Variants in MS4A15 observed in about 807,000 individuals in gnomAD.
MS4A15 encodes membrane-spanning 4-domains subfamily A member 15.
In MS4A15, 22 loss-of-function variants were observed where a neutral mutation model predicts 20.6. The observed-to-expected ratio is 1.07, with a 90% confidence interval of 0.76 to 1.52. The LOEUF is 1.52. Among genes scored for constraint, MS4A15 ranks in the 40% most tolerant of loss-of-function variants. The pLI is 0.00. For synonymous variants in MS4A15, 129 were observed against 129.3 expected (o/e 1.00, Z 0.02); for missense variants, 312 against 323.0 (o/e 0.97, Z 0.26).
At chr11:60,767,478 G>A in intron 2 of MS4A15, 55 bp from the exon 3 acceptor site, 2 of 1,418,864 alleles carry the variant, frequency 1.4e-6, no homozygotes, top group South Asian at 1.5e-5. Flanking sequence ...CGCGGGGCCG[G>A]CAGGGGGCGG....
chr11:60,765,723 T>C lies in MS4A15; in HGVS notation c.225+1765T>C, dbSNP rs544526539. Among the ~76,000 whole-genome samples, 34 of 152,280 alleles carry C rather than the reference T, an allele frequency of 2.2e-4. 1 individual carries two copies. The South Asian group carries it at 6.4e-3, about 29-fold the overall frequency. Reference sequence around the variant, plus strand: ...CTCTGGCTCAATCATGCTGGAATTCTATCCTAATAGCTGCACCACATCCAT... The same window carrying C: ...CTCTGGCTCAATCATGCTGGAATTCCATCCTAATAGCTGCACCACATCCAT... On this transcript the variant is annotated intron_variant, in intron 2 of 6. Transcript: ENST00000405633.
chr11:60,759,262 A>G lies in MS4A15; in HGVS notation c.-29+2204A>G, dbSNP rs1226670284. On this transcript the variant is annotated intron_variant, in intron 1 of 6. Coordinates refer to ENST00000405633, the MANE Select transcript of MS4A15 (RefSeq NM_001098835.2). ...GCCCCAACCCTGTGCTCACAGAAAC[A>G]TGTGCTGTACTGAATCAAGGTTTAA... is the stretch of plus-strand genomic sequence containing the variant. Among the ~76,000 whole-genome samples, 3 of 152,256 alleles carry G rather than the reference A, an allele frequency of 2.0e-5. No individual in the cohort carries two copies. The East Asian group carries it at 5.8e-4, about 29-fold the overall frequency.
chr11:60,759,451 T>C (rs1296031498), intron 1 of MS4A15, among the ~76,000 whole-genome samples: 1 of 152,168 alleles, frequency 6.6e-6, no homozygotes, highest in East Asian at 1.9e-4. Context: ...TTGTCCAAGG[T>C]TTCCCCCGAC....
At chr11:60,757,602 C>G (rs546586805) in intron 1 of MS4A15, among the ~76,000 whole-genome samples, 1 of 152,236 alleles carries the variant, frequency 6.6e-6, no homozygotes, top group South Asian at 2.1e-4. Flanking sequence ...GAGCCTTTTC[C>G]TCCCCCTATA....
At chr11:60,771,376 G>A (rs770777229) in intron 4 of MS4A15, 29 bp downstream of exon 4, 64 of 1,613,494 alleles carry the variant, frequency 4.0e-5, no homozygotes, top group East Asian at 8.9e-5. Context: ...ACCCAGGGGC[G>A]GGGATGAAGC....
chr11:60,771,032 G>T (rs1218581251), intron 3 of MS4A15, among the ~76,000 whole-genome samples: 1 of 152,194 alleles, frequency 6.6e-6, no homozygotes, highest in Non-Finnish European at 1.5e-5. Context: ...TTTGATGAGT[G>T]AATGTTTGAA....
rs202097032 is a variant in MS4A15, at chr11:60,759,696, G to A, written c.-29+2638G>A. Among the ~76,000 whole-genome samples the A allele has an allele frequency of 1.5e-4, 23 of 152,326 alleles. No individual in the cohort carries two copies. The East Asian group carries it at 2.9e-3, about 19-fold the overall frequency. ...AGAAAACTGCCCTGTGGCTGGAGGC[G>A]AGATATGCTGGCAGCAATACTGCTC... On this transcript the variant is annotated intron_variant, in intron 1 of 6. Transcript: ENST00000405633.
At chr11:60,767,058 A>C (rs1209708815) in intron 2 of MS4A15, among the ~76,000 whole-genome samples, 3 of 152,166 alleles carry the variant, frequency 2.0e-5, no homozygotes, top group Non-Finnish European at 4.4e-5. Context: ...AAAGAGAAAA[A>C]ATCCCACTGG....
In MS4A15 at chr11:60,774,015, T is replaced by G. The variant is rs1352530677; in HGVS notation, c.612+65T>G. The G allele has an allele frequency of 3.8e-6, 5 of 1,321,576 alleles. No homozygotes were observed. The Admixed American group carries it at 8.5e-5, about 23-fold the overall frequency. 81.9% of individuals were successfully genotyped at this position (1,321,576 alleles called of 1,614,324 possible). On this transcript the variant is annotated intron_variant, in intron 6 of 6. Coordinates refer to ENST00000405633, the MANE Select transcript of MS4A15 (RefSeq NM_001098835.2). ...GAGCTGAGCCTGTGTGGAAGGCAGTTGGCTGGGAGCGCGCTCTGCCTCCAG... is the reference window on the plus strand; with the variant it reads ...GAGCTGAGCCTGTGTGGAAGGCAGTGGGCTGGGAGCGCGCTCTGCCTCCAG...
chr11:60,775,582 G>A (rs376554952), intron 6 of MS4A15, 23 bp from the exon 7 acceptor site: 19 of 1,600,192 alleles, frequency 1.2e-5, no homozygotes, highest in Middle Eastern at 1.7e-4. Flanking sequence ...CCTCCAGGAC[G>A]CTCAGTGCTG....
chr11:60,769,256 C>T (rs1001845423), intron 3 of MS4A15, among the ~76,000 whole-genome samples: 1 of 152,204 alleles, frequency 6.6e-6, no homozygotes, highest in Non-Finnish European at 1.5e-5. Flanking sequence ...AACATTTAAT[C>T]ATTGTGTTGG....
At position 60,776,015 on chromosome 11, in the gene MS4A15, G is replaced by A. The variant is rs1349841601; in HGVS notation, c.*300G>A. ...GCATCTAAGCATTTCTCTGCTCATT[G>A]GGGAAATCCTGGCCTCATTGGAGAC... On this transcript the variant is annotated 3_prime_UTR_variant, in exon 7 of 7. Coordinates refer to ENST00000405633, the MANE Select transcript of MS4A15 (RefSeq NM_001098835.2). 1.6e-5 allele frequency: 4 copies of A among 247,048 alleles called. No individual in the cohort carries two copies. The highest frequency in any genetic ancestry group is 3.1e-5 in the Non-Finnish European group (4 of 127,334). 15.3% of individuals were successfully genotyped at this position (247,048 alleles called of 1,614,324 possible).
intron 3 of MS4A15, among the ~76,000 whole-genome samples, chr11:60,771,039 T>G (rs2134723957): frequency 6.6e-6 from 1 of 152,314 alleles, no homozygotes; most frequent in South Asian, 2.1e-4. Flanking sequence ...AGTGAATGTT[T>G]GAAGGAACAA....
chr11:60,769,745 C>G (rs919672781), intron 3 of MS4A15, among the ~76,000 whole-genome samples: 6 of 152,134 alleles, frequency 3.9e-5, no homozygotes, highest in African/African-American at 1.2e-4. Flanking sequence ...AAGAATTGTC[C>G]TAGAATCTTC....
intron 3 of MS4A15, 89 bp downstream of exon 3, chr11:60,767,744 G>A: frequency 7.1e-7 from 1 of 1,399,292 alleles, no homozygotes. Context: ...CATCCTCCTG[G>A]GCACAGCCTC....
chr11:60,757,578 A>G (rs1307034071), intron 1 of MS4A15, among the ~76,000 whole-genome samples: 2 of 152,154 alleles, frequency 1.3e-5, no homozygotes, highest in African/African-American at 4.8e-5. Flanking sequence ...TCTAGTGATC[A>G]TGAGGACGGA....
chr11:60,774,953 A>G (rs1010585967), intron 6 of MS4A15, among the ~76,000 whole-genome samples: 6 of 152,212 alleles, frequency 3.9e-5, no homozygotes, highest in African/African-American at 7.2e-5. Context: ...GGAAGCTGCA[A>G]GGAGGCTGGT....
At position 60,776,529 on chromosome 11, in the gene MS4A15, G is replaced by C. The variant is rs1854198699; in HGVS notation, c.*814G>C. The C allele has an allele frequency of 6.6e-6, 1 of 152,284 alleles. No individual in the cohort carries two copies. 9.4% of individuals were successfully genotyped at this position (152,284 alleles called of 1,614,324 possible). On this transcript the variant is annotated 3_prime_UTR_variant, in exon 7 of 7. Coordinates refer to ENST00000405633, the MANE Select transcript of MS4A15 (RefSeq NM_001098835.2). ...ACAGGGGCACAGCAGTGGCAGTTTG[G>C]GACCTCCCTGTGCCTCTCAGCACTC...
chr11:60,768,419 G>T (rs189260394), intron 3 of MS4A15, among the ~76,000 whole-genome samples: 1 of 152,136 alleles, frequency 6.6e-6, no homozygotes, highest in African/African-American at 2.4e-5. Context: ...CCACTCACCC[G>T]TGCCGGAAAA....
Sources: gnomAD v4.1 joint callset for allele counts (sites outside exome capture counted in the v4.1 genomes callset) on GRCh38, gnomAD v4.1.1 for gene constraint, MANE v1.5 for transcripts, NCBI Gene and HGNC (gene_info 2026-07-23, HGNC 2026-07-21) for gene names.